The following TRPM3 variants were observed in gnomAD, a reference collection of about 807,000 sequenced individuals.
TRPM3 encodes transient receptor potential cation channel subfamily M member 3.
Under a neutral mutation model 181.2 loss-of-function variants are expected in TRPM3, and 77 were observed. That is an observed-to-expected ratio of 0.42 (90% CI 0.35 to 0.51). TRPM3 has a LOEUF of 0.51. TRPM3 is among the 20% of genes least tolerant of loss of function. The probability of loss-of-function intolerance (pLI) is 0.01; values close to 1 mark genes in which losing one functional copy is unlikely to be tolerated. For synonymous variants in TRPM3, 745 were observed against 796.4 expected, an observed-to-expected ratio of 0.94 and a Z score of 1.09; for missense variants, 1,759 against 2,196.7, an observed-to-expected ratio of 0.80 and a Z score of 3.98.
intron 1 of TRPM3, among the ~76,000 whole-genome samples, chr9:71,133,351 G>A (rs965767772): frequency 7.2e-6 from 1 of 138,982 alleles, no homozygotes; most frequent in Non-Finnish European, 1.5e-5. Flanking sequence ...CTGGAGTGCA[G>A]TGGCACCATC....
In TRPM3 at chr9:71,351,882, T is replaced by G. The variant is rs765782237; in HGVS notation, c.183+94771A>C. Among the ~76,000 whole-genome samples the G allele has an allele frequency of 6.7e-4, 31 of 46,542 alleles. 2 individuals carry two copies. The highest frequency in any genetic ancestry group is 1.9e-3 in the South Asian group (2 of 1,032). The allele number at this position is 46,542 out of a possible 152,430, so 30.5% of individuals were successfully genotyped here. On this transcript the variant is annotated intron_variant, in intron 1 of 24. Transcript: ENST00000357533. ...TGTTTGTTTGTTTGTTTTTGTTTTT[T>G]TTTTTTTTTTTGAGACTGAGTCTTG... is the stretch of plus-strand genomic sequence containing the variant.
intron 9 of TRPM3, among the ~76,000 whole-genome samples, chr9:70,658,654 G>A (rs113484980): frequency 2.6e-5 from 4 of 152,138 alleles, no homozygotes; most frequent in African/African-American, 7.2e-5. Context: ...GACTATGGCT[G>A]CCCTAAAACT....
At chr9:70,789,422 G>A (rs1008097027) in intron 6 of TRPM3, among the ~76,000 whole-genome samples, 2 of 152,162 alleles carry the variant, frequency 1.3e-5, no homozygotes, top group African/African-American at 4.8e-5. Flanking sequence ...AAAATAAAAG[G>A]TTGTTTAGAT....
At chr9:71,140,971 T>C (rs993433510) in intron 1 of TRPM3, among the ~76,000 whole-genome samples, 3 of 152,184 alleles carry the variant, frequency 2.0e-5, no homozygotes, top group African/African-American at 7.2e-5. Context: ...GTTTCTATTT[T>C]CAAAAGTAGT....
intron 12 of TRPM3, among the ~76,000 whole-genome samples, chr9:70,631,451 C>T (rs1200638752): frequency 1.3e-5 from 2 of 151,258 alleles, no homozygotes; most frequent in African/African-American, 4.9e-5. Flanking sequence ...ACCACTACTT[C>T]CACATAACAC....
intron 1 of TRPM3, among the ~76,000 whole-genome samples, chr9:71,244,593 A>T (rs774182398): frequency 1.8e-4 from 28 of 152,198 alleles, no homozygotes; most frequent in Admixed American, 7.2e-4. Flanking sequence ...AGTACATTGG[A>T]CATTAGAAAG....
intron 1 of TRPM3, among the ~76,000 whole-genome samples, chr9:71,100,091 T>C (rs2068059313): frequency 6.6e-6 from 1 of 152,190 alleles, no homozygotes; most frequent in Non-Finnish European, 1.5e-5. Context: ...GGGATAGATA[T>C]ATTTCTGTTT....
intron 1 of TRPM3, among the ~76,000 whole-genome samples, chr9:71,212,705 T>G (rs1291356837): frequency 6.6e-6 from 1 of 152,146 alleles, no homozygotes; most frequent in Non-Finnish European, 1.5e-5. Flanking sequence ...AAAACATGAA[T>G]GTACATCAGG....
At position 71,203,857 on chromosome 9, in the gene TRPM3, CATT is replaced by C. The variant is rs564836516; in HGVS notation, c.183+242793_183+242795del. ...CCTCCTCCATCACAATCATCATCAT[CATT>C]ATCATCTTTCAATTCAGTGCCACAT... On this transcript the variant is annotated intron_variant, in intron 1 of 24. Coordinates refer to the TRPM3 transcript ENST00000357533. Among the ~76,000 whole-genome samples, 303 of 152,242 alleles carry C rather than the reference CATT, an allele frequency of 2.0e-3. 2 individuals carry two copies. Among genetic ancestry groups the C allele is most frequent in the African/African-American group, 4.5e-3 (187 of 41,546 alleles).
In TRPM3 at chr9:70,843,081, C is replaced by T; in HGVS notation, c.723G>A (p.Lys241=). ...CTATGGTGCATATCTTTCCTCGAGA[C>T]TTAGAGGCATGATCCTTCAAGGCAT... ...VGDALKDHAS[K]SRGKICTIGI... is the part of the protein sequence containing the mutation. Residue 241 remains lysine, a synonymous_variant, in exon 5 of 26, where the codon AAG becomes AAA. Coordinates refer to ENST00000677713, the MANE Select transcript of TRPM3 (RefSeq NM_001366145.2). 1 of 1,613,172 alleles carries T rather than the reference C, an allele frequency of 6.2e-7. No homozygotes were observed. Among genetic ancestry groups the T allele is most frequent in the East Asian group, 2.2e-5 (1 of 44,870 alleles).
At position 71,119,651 on chromosome 9, in the gene TRPM3, T is replaced by C. The variant is rs531957312; in HGVS notation, c.177+1527A>G. 2.0e-5 allele frequency among the ~76,000 whole-genome samples: 3 copies of C among 152,314 alleles called. No homozygotes were observed. In the East Asian group the frequency reaches 5.8e-4, roughly 29 times the overall value. On this transcript the variant is annotated intron_variant, in intron 1 of 25. Coordinates refer to ENST00000677713, the MANE Select transcript of TRPM3 (RefSeq NM_001366145.2). ...GTTAAAGCTGATACATGACTTTAAC[T>C]GAAAAAATGTTTCTCATTGCACTTC...
At chr9:71,006,024 A>T (rs528621967) in intron 1 of TRPM3, among the ~76,000 whole-genome samples, 41 of 152,326 alleles carry the variant, frequency 2.7e-4, no homozygotes, top group Admixed American at 4.6e-4. Context: ...CAAAAAGTCA[A>T]AATGTGAGGA....
At chr9:70,935,339 G>A (rs984348617) in intron 1 of TRPM3, among the ~76,000 whole-genome samples, 1 of 152,114 alleles carries the variant, frequency 6.6e-6, no homozygotes, top group South Asian at 2.1e-4. Context: ...ATTCACTCTT[G>A]GAAGCATGTA....
At chr9:71,098,218 G>C (rs563697124) in intron 1 of TRPM3, among the ~76,000 whole-genome samples, 1 of 152,050 alleles carries the variant, frequency 6.6e-6, no homozygotes, top group South Asian at 2.1e-4. Flanking sequence ...GTAACAAAAA[G>C]AAAATGAAAG....
chr9:71,075,096 A>G (rs1216605216), intron 1 of TRPM3, among the ~76,000 whole-genome samples: 1 of 152,072 alleles, frequency 6.6e-6, no homozygotes, highest in Admixed American at 6.6e-5. Context: ...CAATGACTAC[A>G]TTGCACTTGT....
At chr9:70,761,867 C>T (rs1047999505) in intron 7 of TRPM3, 143 bp from the exon 8 acceptor site, 20 of 955,932 alleles carry the variant, frequency 2.1e-5, no homozygotes, top group African/African-American at 3.4e-5. Context: ...AAAGGTATCC[C>T]GCCTGTGATA....
At chr9:70,803,042 AAAAAAAAAAAAAAAAAAC>A (rs988058662) in intron 6 of TRPM3, among the ~76,000 whole-genome samples, 21 of 134,706 alleles carry the variant, frequency 1.6e-4, no homozygotes, top group Non-Finnish European at 2.7e-4. Context: ...GTAAAAAAAA[AAAAAAAAAAAAAAAAAAC>A]AAAGGCCCAA....
At chr9:71,242,355 C>T (rs1293643993) in intron 1 of TRPM3, among the ~76,000 whole-genome samples, 2 of 152,266 alleles carry the variant, frequency 1.3e-5, no homozygotes, top group South Asian at 4.1e-4. Flanking sequence ...TCCCACAGAA[C>T]ACTCTGTATA....
intron 1 of TRPM3, among the ~76,000 whole-genome samples, chr9:71,420,004 A>G (rs1004883213): frequency 1.3e-5 from 2 of 152,036 alleles, no homozygotes; most frequent in Non-Finnish European, 2.9e-5. Flanking sequence ...TTACATTATT[A>G]ATAATCAACT....
Sources: allele counts gnomAD v4.1 joint callset (sites outside exome capture counted in the v4.1 genomes callset), GRCh38; gene constraint gnomAD v4.1.1; transcripts MANE v1.5; gene names NCBI Gene and HGNC (gene_info 2026-07-23, HGNC 2026-07-21).